Variants in DLGAP2 observed in about 807,000 individuals in gnomAD.
DLGAP2 encodes DLG associated protein 2.
A neutral mutation model predicts 100.3 loss-of-function variants in DLGAP2; 26 were observed. The observed-to-expected ratio is 0.26, with a 90% CI of 0.19 to 0.36. The LOEUF (loss-of-function observed/expected upper bound fraction) is 0.36, where lower values mean the gene tolerates loss of function less well. Among genes scored for constraint, DLGAP2 ranks in the 10% least tolerant of loss-of-function variants. The pLI is 1.00. For synonymous variants in DLGAP2, 886 were observed against 630.1 expected, an observed-to-expected ratio of 1.41 and a Z score of -6.08; for missense variants, 1,858 against 1,453.2, an observed-to-expected ratio of 1.28 and a Z score of -4.53.
intron 4 of DLGAP2, among the ~76,000 whole-genome samples, chr8:1,515,119 C>G (rs571890530): frequency 6.3e-4 from 96 of 152,126 alleles, no homozygotes; most frequent in African/African-American, 2.0e-3. Context: ...ATGGATGCAT[C>G]CAACCAAAGA....
intron 2 of DLGAP2, chr8:910,518 G>A (rs906134504): frequency 2.0e-5 from 3 of 152,178 alleles, no homozygotes; most frequent in African/African-American, 7.2e-5. Flanking sequence ...TTTTCATGAA[G>A]GCACAAACGT....
intron 12 of DLGAP2, among the ~76,000 whole-genome samples, chr8:1,681,696 A>G (rs1798951524): frequency 6.6e-6 from 1 of 152,164 alleles, no homozygotes; most frequent in Non-Finnish European, 1.5e-5. Flanking sequence ...AACACATATG[A>G]TATGTCAGGC....
intron 2 of DLGAP2, among the ~76,000 whole-genome samples, chr8:1,251,341 A>G (rs1461544408): frequency 6.6e-6 from 1 of 152,234 alleles, no homozygotes; most frequent in East Asian, 1.9e-4. Context: ...ACATCCAAAA[A>G]TAAAAATGAG....
intron 3 of DLGAP2, among the ~76,000 whole-genome samples, chr8:1,434,975 A>G (rs1293578122): frequency 6.6e-6 from 1 of 152,028 alleles, no homozygotes; most frequent in South Asian, 2.1e-4. Context: ...GATCTTGTGG[A>G]TCCAGATGTA....
At chr8:871,893 A>G (rs1458116412) in intron 1 of DLGAP2, among the ~76,000 whole-genome samples, 2 of 152,198 alleles carry the variant, frequency 1.3e-5, no homozygotes, top group African/African-American at 4.8e-5. Flanking sequence ...ATTTCTTTCA[A>G]GGTCTTCATC....
intron 2 of DLGAP2, among the ~76,000 whole-genome samples, chr8:1,244,623 C>G (rs1182622256): frequency 1.2e-5 from 1 of 84,748 alleles, no homozygotes; most frequent in African/African-American, 4.5e-5. Context: ...CCCCATACAC[C>G]ACACTAACTC....
intron 4 of DLGAP2, among the ~76,000 whole-genome samples, chr8:1,504,286 A>C (rs1489842628): frequency 1.3e-5 from 2 of 152,084 alleles, no homozygotes; most frequent in East Asian, 3.9e-4. Context: ...ATATTCACGG[A>C]TATAAATTGT....
chr8:1,604,682 G>A (rs969916494), intron 6 of DLGAP2: 6 of 152,206 alleles, frequency 3.9e-5, no homozygotes, highest in African/African-American at 9.7e-5. Context: ...GCAGGAGACT[G>A]TGATCCAGAT....
chr8:788,623 G>T (rs549331530), intron 1 of DLGAP2, among the ~76,000 whole-genome samples: 1 of 152,206 alleles, frequency 6.6e-6, no homozygotes, highest in East Asian at 1.9e-4. Flanking sequence ...TCTCAGCTTG[G>T]AAAAAAGTGA....
intron 2 of DLGAP2, among the ~76,000 whole-genome samples, chr8:1,243,207 C>A (rs766573585): frequency 1.3e-5 from 2 of 152,178 alleles, no homozygotes; most frequent in African/African-American, 4.8e-5. Flanking sequence ...AGTGAGGACC[C>A]GCCTGGCCTT....
intron 3 of DLGAP2, among the ~76,000 whole-genome samples, chr8:1,438,700 C>G (rs932331346): frequency 6.6e-6 from 1 of 152,210 alleles, no homozygotes; most frequent in Non-Finnish European, 1.5e-5. Flanking sequence ...TCACAATACA[C>G]ACTTCATCAG....
At chr8:874,175 C>G (rs1449441108) in intron 1 of DLGAP2, among the ~76,000 whole-genome samples, 1 of 151,802 alleles carries the variant, frequency 6.6e-6, no homozygotes, top group Non-Finnish European at 1.5e-5. Context: ...ATTTCATTTA[C>G]TTTCTCTTTT....
intron 3 of DLGAP2, among the ~76,000 whole-genome samples, chr8:1,489,002 G>T (rs776853379): frequency 4.6e-5 from 7 of 152,104 alleles, no homozygotes; most frequent in Non-Finnish European, 1.0e-4. Context: ...GACTCAACTC[G>T]CATTCAGCTT....
chr8:1,620,983 C>T (rs370927558), intron 6 of DLGAP2, among the ~76,000 whole-genome samples: 1 of 152,184 alleles, frequency 6.6e-6, no homozygotes, highest in African/African-American at 2.4e-5. Flanking sequence ...CTCCCCGCCT[C>T]CCAGCTGGCA....
At chr8:1,558,147 C>T (rs566161858) in intron 5 of DLGAP2, among the ~76,000 whole-genome samples, 2 of 152,186 alleles carry the variant, frequency 1.3e-5, no homozygotes, top group Non-Finnish European at 2.9e-5. Context: ...GGGGTTATGC[C>T]AGGCATGCAG....
intron 3 of DLGAP2, among the ~76,000 whole-genome samples, chr8:1,302,823 C>T (rs1018313597): frequency 6.6e-6 from 1 of 152,274 alleles, no homozygotes; most frequent in Admixed American, 6.5e-5. Context: ...AGGAGGCCCA[C>T]GCCTGACGGC....
chr8:974,700 G>C (rs1800118987), intron 2 of DLGAP2, among the ~76,000 whole-genome samples: 1 of 152,006 alleles, frequency 6.6e-6, no homozygotes. Context: ...TTCAAACTAA[G>C]TAAAAATGAA....
At chr8:1,646,551 G>A (rs892298267) in intron 8 of DLGAP2, among the ~76,000 whole-genome samples, 2 of 152,154 alleles carry the variant, frequency 1.3e-5, no homozygotes, top group Non-Finnish European at 2.9e-5. Flanking sequence ...AAAATGATCA[G>A]AGAATTTACT....
intron 2 of DLGAP2, among the ~76,000 whole-genome samples, chr8:1,116,632 C>CA (rs928251949): frequency 2.0e-5 from 3 of 151,880 alleles, no homozygotes; most frequent in African/African-American, 4.8e-5. Flanking sequence ...CCCATCTCTA[C>CA]AAAAAAATAA....
Sources: gnomAD v4.1 joint callset for allele counts (sites outside exome capture counted in the v4.1 genomes callset) on GRCh38, gnomAD v4.1.1 for gene constraint, MANE v1.5 for transcripts, NCBI Gene and HGNC (gene_info 2026-07-23, HGNC 2026-07-21) for gene names.